The following MED12L variants were observed in gnomAD, a reference collection of about 807,000 sequenced individuals.
The protein encoded by MED12L is mediator complex subunit 12L.
Under a neutral mutation model 281.3 loss-of-function variants are expected in MED12L, and 60 were observed. The ratio of observed to expected loss-of-function variants is 0.21; its 90% CI spans 0.17 to 0.26. The LOEUF is 0.26. Ranked by LOEUF, MED12L falls within the 10% of genes least tolerant of loss-of-function variation. The pLI is 1.00. For synonymous variants in MED12L, 974 were observed against 987.2 expected (o/e 0.99, Z 0.25); for missense variants, 2,146 against 2,680.9 (o/e 0.80, Z 4.41).
intron 43 of MED12L, among the ~76,000 whole-genome samples, chr3:151,422,677 T>G (rs1328343725): frequency 6.6e-6 from 1 of 152,148 alleles, no homozygotes; most frequent in African/African-American, 2.4e-5. Flanking sequence ...AGGTACTGGG[T>G]GTTACGACTC....
chr3:151,189,103 A>C (rs185030441), intron 13 of MED12L, among the ~76,000 whole-genome samples: 1 of 152,312 alleles, frequency 6.6e-6, no homozygotes, highest in Admixed American at 6.5e-5. Context: ...AACAGGGAGG[A>C]TCTTAAGGTA....
intron 27 of MED12L, among the ~76,000 whole-genome samples, chr3:151,375,091 C>A (rs1006303033): frequency 1.3e-5 from 2 of 152,100 alleles, no homozygotes; most frequent in African/African-American, 2.4e-5. Flanking sequence ...TGTGTTGGTT[C>A]CCAACTGTGA....
chr3:151,360,406 A>T lies in MED12L; in HGVS notation c.2826-68A>T, dbSNP rs1028360787. 8 of 1,440,114 alleles carry T rather than the reference A, an allele frequency of 5.6e-6. No homozygotes were observed. The South Asian group carries it at 7.9e-5, about 14-fold the overall frequency. 89.2% of individuals were successfully genotyped at this position (1,440,114 alleles called of 1,614,324 possible). On this transcript the variant is annotated intron_variant, in intron 20 of 44. Transcript: ENST00000687756. ...CCAAGTGATACATATTTTCATTCTA[A>T]AAGAGTCAAATGATAACCCACATAG...
rs557651635 is a variant in MED12L, at chr3:151,184,277, G to C, written c.1495-1053G>C. 2.0e-5 allele frequency among the ~76,000 whole-genome samples: 3 copies of C among 152,294 alleles called. No homozygotes were observed. In the East Asian group the frequency reaches 5.8e-4, roughly 29 times the overall value. On this transcript the variant is annotated intron_variant, in intron 11 of 44. Transcript: ENST00000687756. ...AGGGATACTTATTCTGGGATTCTTG[G>C]ATGGCTTTTCAGACTGCACAGACAT...
At chr3:151,262,928 C>T (rs60347134) in intron 16 of MED12L, among the ~76,000 whole-genome samples, 6 of 152,218 alleles carry the variant, frequency 3.9e-5, no homozygotes, top group African/African-American at 1.2e-4. Flanking sequence ...CCTGAAGACA[C>T]GTAGCTGGTA....
At chr3:151,244,988 C>T (rs1045034143) in intron 16 of MED12L, among the ~76,000 whole-genome samples, 14 of 146,030 alleles carry the variant, frequency 9.6e-5, no homozygotes, top group Non-Finnish European at 1.8e-4. Flanking sequence ...ATACTACAAA[C>T]ACCTCTACGC....
At chr3:151,252,028 G>C (rs192213697) in intron 16 of MED12L, among the ~76,000 whole-genome samples, 88 of 152,148 alleles carry the variant, frequency 5.8e-4, no homozygotes, top group Admixed American at 5.0e-3. Context: ...TATTTAACCT[G>C]TGTGTTTATC....
At chr3:151,202,365 C>T (rs907720726) in intron 16 of MED12L, among the ~76,000 whole-genome samples, 1 of 152,136 alleles carries the variant, frequency 6.6e-6, no homozygotes, top group Non-Finnish European at 1.5e-5. Context: ...ATAGAGTGCC[C>T]ATTGCTTAGA....
At chr3:151,355,654 T>C (rs1380713407) in intron 18 of MED12L, among the ~76,000 whole-genome samples, 1 of 152,236 alleles carries the variant, frequency 6.6e-6, no homozygotes, top group Non-Finnish European at 1.5e-5. Flanking sequence ...GTAGTTGTTC[T>C]ACCATTAGAA....
rs751431850 is a variant in MED12L at position 151,376,786 on chromosome 3, T to C, written c.4054-14T>C. The C allele has an allele frequency of 3.7e-6, 6 of 1,609,838 alleles. No individual in the cohort carries two copies. The highest frequency in any genetic ancestry group is 2.7e-5 in the African/African-American group (2 of 74,808). On this transcript the variant is annotated splice_polypyrimidine_tract_variant and intron_variant, in intron 28 of 44. Transcript: ENST00000687756. ...TGATACCCATAATGTTTTAATTCTT[T>C]CCATTTTTCCCAGAATCTTGAGCAG...
chr3:151,198,446 C>T, intron 16 of MED12L: 1 of 1,604,644 alleles, frequency 6.2e-7, no homozygotes, highest in Non-Finnish European at 8.5e-7. Flanking sequence ...ATTTTCACAT[C>T]TTAATTTTTC....
chr3:151,351,320 G>T (rs886567507), intron 17 of MED12L, among the ~76,000 whole-genome samples: 2 of 152,108 alleles, frequency 1.3e-5, no homozygotes, highest in African/African-American at 4.8e-5. Flanking sequence ...TGGCATTCTG[G>T]GTATCTGATG....
chr3:151,159,108 A>G (rs1719664712), intron 7 of MED12L, among the ~76,000 whole-genome samples: 1 of 144,932 alleles, frequency 6.9e-6, no homozygotes. Context: ...AATAACACAA[A>G]TCTCTGTGAA....
chr3:151,378,267 T>C (rs1711577170), intron 31 of MED12L, 94 bp downstream of exon 31: 2 of 1,221,542 alleles, frequency 1.6e-6, no homozygotes, highest in South Asian at 2.1e-5. Context: ...GTACCCACAG[T>C]CCACTGAAAT....
intron 16 of MED12L, chr3:151,328,578 C>CA: frequency 6.2e-7 from 1 of 1,613,246 alleles, no homozygotes; most frequent in Non-Finnish European, 8.5e-7. Context: ...ACCGTTTTTG[C>CA]AAAAACAGGT....
At chr3:151,183,647 T>G (rs1319757041) in intron 11 of MED12L, among the ~76,000 whole-genome samples, 1 of 152,278 alleles carries the variant, frequency 6.6e-6, no homozygotes, top group African/African-American at 2.4e-5. Flanking sequence ...AGAAATCTGT[T>G]CTCCCACGTA....
At chr3:151,384,035 T>G in intron 34 of MED12L, 48 bp from the exon 35 acceptor site, 1 of 1,567,462 alleles carries the variant, frequency 6.4e-7, no homozygotes, top group Non-Finnish European at 8.7e-7. Flanking sequence ...GTTAAATAAG[T>G]GTATTTCAGT....
chr3:151,218,283 A>G (rs1257155642), intron 16 of MED12L, among the ~76,000 whole-genome samples: 1 of 152,222 alleles, frequency 6.6e-6, no homozygotes, highest in African/African-American at 2.4e-5. Context: ...AGCTCATGCC[A>G]GTCCATTAAA....
chr3:151,333,762 G>A (rs1750617362), intron 16 of MED12L, among the ~76,000 whole-genome samples: 1 of 152,150 alleles, frequency 6.6e-6, no homozygotes, highest in African/African-American at 2.4e-5. Flanking sequence ...CAGAAAGATT[G>A]TACCAATTTA....
Sources: gnomAD v4.1 joint callset for allele counts (sites outside exome capture counted in the v4.1 genomes callset) on GRCh38, gnomAD v4.1.1 for gene constraint, MANE v1.5 for transcripts, NCBI Gene and HGNC (gene_info 2026-07-23, HGNC 2026-07-21) for gene names.